The following SPECC1L variants were observed in gnomAD, a reference collection of about 807,000 sequenced individuals.
The protein encoded by SPECC1L is sperm antigen with calponin homology and coiled-coil domains 1 like, also known as cytospin-A.
SPECC1L carries 40 observed loss-of-function variants against 116.8 expected under a neutral mutation model. The observed-to-expected ratio is 0.34, with a 90% CI of 0.27 to 0.45. The LOEUF is 0.45. SPECC1L is among the 20% of genes least tolerant of loss of function. The pLI, the probability that SPECC1L is intolerant of heterozygous loss-of-function variation, is 1.00. For synonymous variants in SPECC1L, 504 were observed against 500.6 expected, an observed-to-expected ratio of 1.01 and a Z score of -0.09; for missense variants, 1,110 against 1,373.6, an observed-to-expected ratio of 0.81 and a Z score of 3.03.
At chr22:24,399,386 T>C (rs2042427134) in intron 14 of SPECC1L, among the ~76,000 whole-genome samples, 2 of 152,064 alleles carry the variant, frequency 1.3e-5, no homozygotes, top group Non-Finnish European at 2.9e-5. Flanking sequence ...CTGGCTAACA[T>C]GGTGAAACTC....
At chr22:24,320,346 A>G (rs576729037) in intron 4 of SPECC1L, among the ~76,000 whole-genome samples, 11 of 152,344 alleles carry the variant, frequency 7.2e-5, no homozygotes, top group African/African-American at 2.6e-4. Flanking sequence ...TGATTGTGTC[A>G]GTTTTCACAG....
rs768182516 is a variant in SPECC1L, at chr22:24,369,239, C to T, written c.3006C>T (p.Leu1002=). 2 of 1,613,858 alleles carry T rather than the reference C, an allele frequency of 1.2e-6. No homozygotes were observed. Among genetic ancestry groups the T allele is most frequent in the African/African-American group, 1.3e-5 (1 of 74,918 alleles). The stretch of plus-strand genomic sequence containing the variant: ...TCAGAGAAGAAAGGAAAGACCCTCT[C>T]TCAGCATTGGCCAGAGAATATGGAG... ...SRIREERKDP[L]SALAREYGGS... Residue 1002 remains leucine, a synonymous_variant, in exon 14 of 17, where the codon CTC becomes CTT. Transcript: ENST00000314328.
intron 14 of SPECC1L, among the ~76,000 whole-genome samples, chr22:24,407,046 C>T (rs1318031513): frequency 2.6e-5 from 4 of 152,194 alleles, no homozygotes; most frequent in African/African-American, 9.6e-5. Flanking sequence ...CCAGTGGGCG[C>T]TCAAGCTTCA....
intron 16 of SPECC1L, among the ~76,000 whole-genome samples, chr22:24,414,032 C>T (rs1423768806): frequency 6.6e-6 from 1 of 152,172 alleles, no homozygotes. Flanking sequence ...CATCAGTTCA[C>T]CGGTCACAGG....
intron 14 of SPECC1L, among the ~76,000 whole-genome samples, chr22:24,380,652 A>T (rs1476678430): frequency 1.3e-5 from 2 of 152,084 alleles, no homozygotes; most frequent in Non-Finnish European, 2.9e-5. Context: ...TTCTCTTTTA[A>T]CTTGTGCCCT....
intron 1 of SPECC1L, among the ~76,000 whole-genome samples, chr22:24,275,469 A>G (rs2048818808): frequency 6.6e-6 from 1 of 151,656 alleles, no homozygotes; most frequent in Admixed American, 6.6e-5. Flanking sequence ...GAGACCAGGT[A>G]GGCATCATTT....
intron 14 of SPECC1L, among the ~76,000 whole-genome samples, chr22:24,372,823 G>A (rs1429647688): frequency 1.3e-5 from 2 of 152,170 alleles, no homozygotes; most frequent in African/African-American, 4.8e-5. Flanking sequence ...TAGGAAAAGA[G>A]GAAGTCAAAT....
intron 1 of SPECC1L, among the ~76,000 whole-genome samples, 155 bp downstream of exon 1, chr22:24,271,138 G>A (rs1361503516): frequency 6.6e-6 from 1 of 152,232 alleles, no homozygotes; most frequent in Non-Finnish European, 1.5e-5. Context: ...TGTGTCCCGC[G>A]CCTGCGCCTT....
At chr22:24,303,788 C>T (rs1030322561) in intron 3 of SPECC1L, among the ~76,000 whole-genome samples, 2 of 151,620 alleles carry the variant, frequency 1.3e-5, no homozygotes, top group Non-Finnish European at 2.9e-5. Flanking sequence ...TTACTCTTGC[C>T]AGCACATGCC....
chr22:24,393,271 A>G (rs2042305271), intron 14 of SPECC1L, among the ~76,000 whole-genome samples: 1 of 152,196 alleles, frequency 6.6e-6, no homozygotes, highest in Admixed American at 6.5e-5. Context: ...ACCTGACAGA[A>G]CCTTATGATG....
At position 24,347,076 on chromosome 22, in the gene SPECC1L, A is replaced by G. The variant is rs1195476871; in HGVS notation, c.2653-10A>G. ...TTTTAACTTTGATGTTGTTTATCTT[A>G]TGATTTCAGAGACATTCCATAAGTG... On this transcript the variant is annotated splice_polypyrimidine_tract_variant and intron_variant, in intron 10 of 16. Coordinates refer to ENST00000314328, the MANE Select transcript of SPECC1L (RefSeq NM_015330.6). The G allele has an allele frequency of 6.2e-6, 10 of 1,609,892 alleles. No individual in the cohort carries two copies. Among genetic ancestry groups the G allele is most frequent in the Non-Finnish European group, 7.7e-6 (9 of 1,176,256 alleles).
rs533399101 is a variant in SPECC1L at position 24,334,343 on chromosome 22, T to A, written c.2397-67T>A. The stretch of plus-strand genomic sequence containing the variant: ...CTGATAGTTTTTAATGCCTTTCAGC[T>A]GGGAGGGGAAAATGTGTATGTTCTA... On this transcript the variant is annotated intron_variant, in intron 8 of 16. Transcript: ENST00000314328. 135 of 1,554,520 alleles carry A rather than the reference T, an allele frequency of 8.7e-5. 2 individuals carry two copies. The South Asian group carries it at 1.3e-3, about 15-fold the overall frequency.
intron 2 of SPECC1L, among the ~76,000 whole-genome samples, chr22:24,290,134 G>A (rs2049129929): frequency 2.0e-5 from 3 of 152,250 alleles, no homozygotes; most frequent in African/African-American, 7.2e-5. Flanking sequence ...TGACTGAGCA[G>A]TCTTTCTCCT....
At chr22:24,370,624 C>T (rs2041854340) in intron 14 of SPECC1L, among the ~76,000 whole-genome samples, 1 of 152,152 alleles carries the variant, frequency 6.6e-6, no homozygotes, top group South Asian at 2.1e-4. Flanking sequence ...TTAGGCACAC[C>T]CATTTTTGTG....
chr22:24,291,432 T>C (rs1249503614), intron 2 of SPECC1L, among the ~76,000 whole-genome samples: 1 of 152,212 alleles, frequency 6.6e-6, no homozygotes, highest in African/African-American at 2.4e-5. Flanking sequence ...TTTCATAATA[T>C]GTAATTTTCA....
intron 4 of SPECC1L, 22 bp downstream of exon 4, chr22:24,313,488 A>T (rs746066581): frequency 6.2e-7 from 1 of 1,613,284 alleles, no homozygotes; most frequent in Non-Finnish European, 8.5e-7. Context: ...ATTCAGTCTG[A>T]GACTTCAACT....
intron 4 of SPECC1L, among the ~76,000 whole-genome samples, chr22:24,320,802 G>A (rs926077650): frequency 2.0e-5 from 3 of 152,160 alleles, no homozygotes; most frequent in Non-Finnish European, 1.5e-5. Flanking sequence ...CTAGTAGGTA[G>A]CTTAGATTTT....
chr22:24,385,636 A>G (rs1270392884), intron 14 of SPECC1L, among the ~76,000 whole-genome samples: 4 of 152,238 alleles, frequency 2.6e-5, no homozygotes, highest in Non-Finnish European at 4.4e-5. Flanking sequence ...AACAATAACA[A>G]TAGCCAAGGC....
At chr22:24,303,680 A>G (rs2049428945) in intron 3 of SPECC1L, among the ~76,000 whole-genome samples, 1 of 152,146 alleles carries the variant, frequency 6.6e-6, no homozygotes, top group Non-Finnish European at 1.5e-5. Context: ...ATGTGCACTG[A>G]GCAGGCATGT....
Sources: gnomAD v4.1 joint callset for allele counts (sites outside exome capture counted in the v4.1 genomes callset) on GRCh38, gnomAD v4.1.1 for gene constraint, MANE v1.5 for transcripts, NCBI Gene and HGNC (gene_info 2026-07-23, HGNC 2026-07-21) for gene names.